ACAN: variants seen among roughly 807,000 people sequenced by gnomAD.
ACAN encodes aggrecan.
A neutral mutation model predicts 169.1 loss-of-function variants in ACAN; 47 were observed. The observed-to-expected ratio is 0.28, with a 90% confidence interval of 0.22 to 0.35. The LOEUF (loss-of-function observed/expected upper bound fraction) is 0.35, where lower values mean the gene tolerates loss of function less well. Among genes scored for constraint, ACAN ranks in the 10% least tolerant of loss-of-function variants. The pLI is 1.00. For synonymous variants in ACAN, 1,115 were observed against 1,112.2 expected (o/e 1.00, Z -0.05); for missense variants, 2,716 against 2,759.9 (o/e 0.98, Z 0.36).
In ACAN at chr15:88,871,664, G is replaced by C; in HGVS notation, c.7219+124G>C. Reference sequence around the variant, plus strand: ...GCAGGACAGGGACCTGGGGGAGGGGGAACAGTGTTCCCACAGTCTGAGCTC... The same window carrying C: ...GCAGGACAGGGACCTGGGGGAGGGGCAACAGTGTTCCCACAGTCTGAGCTC... On this transcript the variant is annotated intron_variant, in intron 15 of 18. Transcript: ENST00000560601. This position sits in a 1 kb window ranked among gnomAD's most constrained non-coding sequence, Gnocchi z 7.8. 1 of 1,312,570 alleles carries C rather than the reference G, an allele frequency of 7.6e-7. No homozygotes were observed. Among genetic ancestry groups the C allele is most frequent in the Non-Finnish European group, 1.0e-6 (1 of 973,184 alleles). The allele number at this position is 1,312,570 out of a possible 1,614,324, so 81.3% of individuals were successfully genotyped here.
chr15:88,865,316 C>T (rs1897262647), intron 13 of ACAN, among the ~76,000 whole-genome samples: 2 of 152,190 alleles, frequency 1.3e-5, no homozygotes, highest in South Asian at 4.1e-4. Context: ...TCTCCCTCCA[C>T]GTGGGGCAGA....
chr15:88,827,976 C>T (rs1896266506), intron 1 of ACAN, among the ~76,000 whole-genome samples: 1 of 152,136 alleles, frequency 6.6e-6, no homozygotes, highest in African/African-American at 2.4e-5. Context: ...GCCATCGCAC[C>T]CACCCATGCA....
rs1895914844 is a variant in ACAN, at chr15:88,815,460, A to G, written c.-8+11651A>G. Among the ~76,000 whole-genome samples, 3 of 151,778 alleles carry G rather than the reference A, an allele frequency of 2.0e-5. No individual in the cohort carries two copies. The South Asian group carries it at 6.3e-4, about 32-fold the overall frequency. On this transcript the variant is annotated intron_variant, in intron 1 of 18. Transcript: ENST00000560601. The stretch of plus-strand genomic sequence containing the variant: ...TGTAATCCCAGCTACTTGGGAGACT[A>G]AGGTACAAGAATTGCTTGAACCCAG...
chr15:88,807,315 C>T lies in ACAN; in HGVS notation c.-8+3506C>T, dbSNP rs965899166. On this transcript the variant is annotated intron_variant, in intron 1 of 18. Transcript: ENST00000560601. The surrounding 1 kb of genome is among the most constrained non-coding windows in gnomAD (Gnocchi z 4.0). The stretch of plus-strand genomic sequence containing the variant: ...GCCCTGGGAAAGGGGATCAGGAGCA[C>T]ATCTTGGGAACAGGAGCCTTCCTCT... Among the ~76,000 whole-genome samples, 6 of 152,220 alleles carry T rather than the reference C, an allele frequency of 3.9e-5. No homozygotes were observed. Among genetic ancestry groups the T allele is most frequent in the Admixed American group, 3.9e-4 (6 of 15,276 alleles).
intron 13 of ACAN, among the ~76,000 whole-genome samples, chr15:88,865,852 G>C (rs1326121482): frequency 1.3e-5 from 2 of 152,186 alleles, no homozygotes; most frequent in Non-Finnish European, 2.9e-5. Flanking sequence ...GGCCAAAACA[G>C]CTAATAAGAA....
intron 13 of ACAN, among the ~76,000 whole-genome samples, chr15:88,867,109 G>A (rs1019869288): frequency 4.6e-5 from 7 of 152,206 alleles, no homozygotes; most frequent in Middle Eastern, 3.2e-3. Flanking sequence ...AGGAACCTTT[G>A]AAGTACAAAT....
At chr15:88,854,183 A>G (rs980126265) in intron 11 of ACAN, among the ~76,000 whole-genome samples, 2 of 152,196 alleles carry the variant, frequency 1.3e-5, no homozygotes, top group African/African-American at 2.4e-5. Flanking sequence ...AAACATCACC[A>G]CCTGGCCCTT....
At chr15:88,805,990 T>C (rs1390551575) in intron 1 of ACAN, among the ~76,000 whole-genome samples, 1 of 152,078 alleles carries the variant, frequency 6.6e-6, no homozygotes. Flanking sequence ...AGAGCTCACC[T>C]CCTGAGACAG....
In ACAN at chr15:88,868,366, G is replaced by T. The variant is rs1897314919; in HGVS notation, c.7060+37G>T. 2.9e-6 allele frequency: 2 copies of T among 697,686 alleles called. No homozygotes were observed. The highest frequency in any genetic ancestry group is 5.2e-6 in the Non-Finnish European group (2 of 381,798). The allele number at this position is 697,686 out of a possible 1,614,324, so 43.2% of individuals were successfully genotyped here. A position where few individuals can be genotyped will look rare whatever the true frequency, so the allele number is the denominator to read the frequency against. On this transcript the variant is annotated intron_variant, in intron 14 of 18. Transcript: ENST00000560601. This position sits in a 1 kb window ranked among gnomAD's most constrained non-coding sequence, Gnocchi z 5.2. ...TTGGCTTCAGCTAATGTTACTAACT[G>T]CTGCACCCCCTCCTCCTCCCTCACC...
At chr15:88,842,287 C>T (rs546710868) in intron 5 of ACAN, among the ~76,000 whole-genome samples, 8 of 152,268 alleles carry the variant, frequency 5.3e-5, no homozygotes, top group East Asian at 1.9e-4. Flanking sequence ...AGCTGGCCAC[C>T]CAGCCACCCT....
chr15:88,837,513 C>T (rs1896534333), intron 2 of ACAN, among the ~76,000 whole-genome samples: 1 of 152,174 alleles, frequency 6.6e-6, no homozygotes, highest in Non-Finnish European at 1.5e-5. Context: ...AGCCATGCAG[C>T]CCCTGGCTGT....
rs968895828 is a variant in ACAN, at chr15:88,866,315, C to T, written c.6947-1901C>T. 3.3e-5 allele frequency among the ~76,000 whole-genome samples: 5 copies of T among 152,182 alleles called. No individual in the cohort carries two copies. Among genetic ancestry groups the T allele is most frequent in the Non-Finnish European group, 5.9e-5 (4 of 68,038 alleles). On this transcript the variant is annotated intron_variant, in intron 13 of 18. Coordinates refer to ENST00000560601, the MANE Select transcript of ACAN (RefSeq NM_001369268.1). The surrounding 1 kb of genome is among the most constrained non-coding windows in gnomAD (Gnocchi z 5.6). ...CTCTGTACAACTGCTTTAGCACCTA[C>T]ATTTGCTTAATTCCCCTTGCCCAGT...
intron 4 of ACAN, among the ~76,000 whole-genome samples, chr15:88,840,880 C>T (rs1037928496): frequency 1.3e-5 from 2 of 152,140 alleles, no homozygotes; most frequent in South Asian, 2.1e-4. Context: ...CGCAGTGGCT[C>T]ATGCCTGTAA....
In ACAN at chr15:88,859,365, T is replaced by G. The variant is rs698621; in HGVS notation, c.6780T>G (p.Ala2260=). The change falls in exon 12 of 19, where the codon GCT becomes GCG. Residue 2260 remains alanine (A), a synonymous_variant. Coordinates refer to ENST00000560601, the MANE Select transcript of ACAN (RefSeq NM_001369268.1). ...TVETATSPTD[A]SIPASPEWKR... Reference sequence around the variant, plus strand: ...AAACAGCCACCTCCCCAACAGATGCTTCCATCCCAGCTTCTCCGGAATGGA... The same window carrying G: ...AAACAGCCACCTCCCCAACAGATGCGTCCATCCCAGCTTCTCCGGAATGGA... The G allele has an allele frequency of 0.6, 949,095 of 1,583,940 alleles. 291,152 individuals carry two copies. Among genetic ancestry groups the G allele is most frequent in the Non-Finnish European group, 0.64 (746,627 of 1,164,798 alleles).
At position 88,838,110 on chromosome 15, in the gene ACAN, G is replaced by C. The variant is rs1896552208; in HGVS notation, c.71-553G>C. Among the ~76,000 whole-genome samples the C allele has an allele frequency of 6.6e-6, 1 of 151,984 alleles. No individual in the cohort carries two copies. Among genetic ancestry groups the C allele is most frequent in the African/African-American group, 2.4e-5 (1 of 41,428 alleles). On this transcript the variant is annotated intron_variant, in intron 2 of 18. Transcript: ENST00000560601. This position sits in a 1 kb window ranked among gnomAD's most constrained non-coding sequence, Gnocchi z 5.1. The stretch of plus-strand genomic sequence containing the variant: ...TCTTCTCGGATGCTTCTCCACCTGA[G>C]TCCCCTGACTCCCAAACAGCAGAAG...
In ACAN at chr15:88,841,986, C is replaced by G. The variant is rs894491315; in HGVS notation, c.757+119C>G. ...CTGCCAGCTCAGGGCCTGACACACT[C>G]TGTCCTCCTCTGCCATGAAGGGAGG... On this transcript the variant is annotated intron_variant, in intron 5 of 18. Transcript: ENST00000560601. 8 of 1,333,990 alleles carry G rather than the reference C, an allele frequency of 6.0e-6. No individual in the cohort carries two copies. The African/African-American group carries it at 1.0e-4, about 17-fold the overall frequency. 82.6% of individuals were successfully genotyped at this position (1,333,990 alleles called of 1,614,324 possible).
chr15:88,860,072 C>CTTTTTTTTTTTTTTTTTTTT (rs57985365), intron 12 of ACAN, among the ~76,000 whole-genome samples: 1 of 102,900 alleles, frequency 9.7e-6, no homozygotes, highest in African/African-American at 4.7e-5. Flanking sequence ...GCTGATTTTC[C>CTTTTTTTTTTTTTTTTTTTT]TTTTTTTTTT....
rs373470699 is a variant in ACAN at position 88,872,958 on chromosome 15, C to G, written c.7380C>G (p.His2460Gln). The change falls in exon 17 of 19, where the codon CAC becomes CAG. Residue 2460 changes from histidine (H) to glutamine (Q), a missense_variant. Physicochemically the swap from His to Gln is conservative, Grantham distance 24 (BLOSUM62 0). Around this residue, in one of 3 missense-constraint regions of ACAN, gnomAD observed 1,389 missense variants for 1,363.7 expected, o/e 1.02. Transcript: ENST00000560601. The surrounding 1 kb of genome is among the most constrained non-coding windows in gnomAD (Gnocchi z 5.4). ...AGEDCVVMIW[H>Q]EKGEWNDVPC... Reference sequence around the variant, plus strand: ...AGGACTGTGTGGTGATGATCTGGCACGAGAAGGGCGAGTGGAATGATGTTC... The same window carrying G: ...AGGACTGTGTGGTGATGATCTGGCAGGAGAAGGGCGAGTGGAATGATGTTC... 3.7e-6 allele frequency: 6 copies of G among 1,613,696 alleles called. No individual in the cohort carries two copies. The highest frequency in any genetic ancestry group is 1.1e-5 in the South Asian group (1 of 91,046).
intron 11 of ACAN, among the ~76,000 whole-genome samples, chr15:88,852,552 G>T (rs1896955329): frequency 6.6e-6 from 1 of 152,198 alleles, no homozygotes; most frequent in Non-Finnish European, 1.5e-5. Context: ...AACCAGATGA[G>T]ACTTAACAGG....
Sources: allele counts gnomAD v4.1 joint callset (sites outside exome capture counted in the v4.1 genomes callset), GRCh38; gene constraint gnomAD v4.1.1; regional missense constraint gnomAD v4.1.1; non-coding constraint Gnocchi (gnomAD v3.1); transcripts MANE v1.5; gene names NCBI Gene and HGNC (gene_info 2026-07-23, HGNC 2026-07-21).